The following SYT2 variants were observed in gnomAD, a reference collection of about 807,000 sequenced individuals.
SYT2 encodes synaptotagmin 2.
Under a neutral mutation model 39.9 loss-of-function variants are expected in SYT2, and 15 were observed. That is an observed-to-expected ratio of 0.38 (90% CI 0.25 to 0.58). The LOEUF (loss-of-function observed/expected upper bound fraction) is 0.58. Ranked by LOEUF, SYT2 falls within the 20% of genes least tolerant of loss-of-function variation. The pLI is 0.70. For synonymous variants in SYT2, 181 were observed against 204.5 expected, an observed-to-expected ratio of 0.89 and a Z score of 0.98; for missense variants, 389 against 530.3, an observed-to-expected ratio of 0.73 and a Z score of 2.62.
chr1:202,599,473 C>T lies in SYT2; in HGVS notation c.920-122G>A. ...GGGTCTTCACTCCGCTGAGACCAGG[C>T]CCTCAGAAAGCCCCAAGTCATGCCA... On this transcript the variant is annotated intron_variant, in intron 7 of 8. Transcript: ENST00000367268. The surrounding 1 kb of genome is among the most constrained non-coding windows in gnomAD (Gnocchi z 4.4). 8.5e-7 allele frequency: 1 copy of T among 1,172,904 alleles called. No homozygotes were observed. The highest frequency in any genetic ancestry group is 1.2e-6 in the Non-Finnish European group (1 of 856,156). 72.7% of individuals were successfully genotyped at this position (1,172,904 alleles called of 1,614,324 possible).
In SYT2 at chr1:202,605,801, A is replaced by T. The variant is rs200599864; in HGVS notation, c.-17-12T>A. The T allele has an allele frequency of 1.9e-6, 3 of 1,609,352 alleles. No individual in the cohort carries two copies. ...GGCAGAGGAAACAGCTGGGGACGAG[A>T]GGTGAAGAGGGCAGGGTGAGCATCC... On this transcript the variant is annotated splice_polypyrimidine_tract_variant and intron_variant, in intron 1 of 8. Coordinates refer to ENST00000367268, the MANE Select transcript of SYT2 (RefSeq NM_177402.5).
At chr1:202,699,082 G>A (rs1257741592) in intron 1 of SYT2, among the ~76,000 whole-genome samples, 1 of 149,100 alleles carries the variant, frequency 6.7e-6, no homozygotes, top group Non-Finnish European at 1.5e-5. Flanking sequence ...CAGTGCAGTG[G>A]TATGATCTTG....
intron 1 of SYT2, among the ~76,000 whole-genome samples, chr1:202,625,736 G>C (rs1691385824): frequency 2.0e-5 from 3 of 152,100 alleles, no homozygotes; most frequent in Admixed American, 1.3e-4. Context: ...TCACACCCTG[G>C]AAAGGAGGAG....
At chr1:202,635,292 C>A (rs1691710029) in intron 1 of SYT2, among the ~76,000 whole-genome samples, 1 of 152,176 alleles carries the variant, frequency 6.6e-6, no homozygotes, top group African/African-American at 2.4e-5. Context: ...TGGGGAAAGC[C>A]TCCATTCCCT....
At chr1:202,604,818 C>CTTTTTTTTTTTTTTTTT (rs59944538) in intron 2 of SYT2, among the ~76,000 whole-genome samples, 197 bp from the exon 3 acceptor site, 7 of 71,682 alleles carry the variant, frequency 9.8e-5, no homozygotes, top group African/African-American at 2.7e-4. Flanking sequence ...TCATGCCTTG[C>CTTTTTTTTTTTTTTTTT]TTTTTTTTTT....
At chr1:202,697,110 C>T (rs1653991930) in intron 1 of SYT2, among the ~76,000 whole-genome samples, 1 of 152,222 alleles carries the variant, frequency 6.6e-6, no homozygotes, top group South Asian at 2.1e-4. Context: ...TCACTGAGAG[C>T]ATTAGCTCCT....
At chr1:202,691,012 T>C (rs1376678629) in intron 1 of SYT2, among the ~76,000 whole-genome samples, 1 of 152,164 alleles carries the variant, frequency 6.6e-6, no homozygotes, top group Non-Finnish European at 1.5e-5. Flanking sequence ...TACTCACACA[T>C]GCACACAACA....
rs1046269 is a variant in SYT2 at position 202,590,625 on chromosome 1, G to T, written c.*6132C>A. 0.1 allele frequency: 15,185 copies of T among 150,186 alleles called. 962 individuals carry two copies. Among genetic ancestry groups the T allele is most frequent in the Middle Eastern group, 0.18 (53 of 294 alleles). The allele number at this position is 150,186 out of a possible 1,614,324, so 9.3% of individuals were successfully genotyped here. On this transcript the variant is annotated 3_prime_UTR_variant, in exon 9 of 9. Transcript: ENST00000367268. ...TTTCAGCTCATTTCTTTAATAAGGA[G>T]ACGCAGTTCATTACAAAATAACAAT...
At chr1:202,630,499 G>C (rs1042196566) in intron 1 of SYT2, 2 of 655,686 alleles carry the variant, frequency 3.1e-6, no homozygotes, top group African/African-American at 4.0e-5. Flanking sequence ...TTTAGGAGGA[G>C]ATGGGGTGGG....
chr1:202,642,232 C>A (rs1691935223), intron 1 of SYT2, among the ~76,000 whole-genome samples: 2 of 152,154 alleles, frequency 1.3e-5, no homozygotes, highest in South Asian at 4.1e-4. Context: ...GCGTTCACAG[C>A]TCCACTTTGA....
Position 202,618,541 on chromosome 1 carries a change from C to T in SYT2, c.-17-12752G>A, listed in dbSNP as rs75695543. Among the ~76,000 whole-genome samples, 404 of 152,260 alleles carry T rather than the reference C, an allele frequency of 2.7e-3. 4 individuals carry two copies. The highest frequency in any genetic ancestry group is 9.4e-3 in the African/African-American group (392 of 41,544). On this transcript the variant is annotated intron_variant, in intron 1 of 8. Transcript: ENST00000367268. ...AGGCCTGGGACCATAGAGAGTCAGA[C>T]GCACCCCCTTATGAGTCATTTCACC...
intron 1 of SYT2, among the ~76,000 whole-genome samples, chr1:202,624,618 A>G (rs111205731): frequency 0.15 from 17,672 of 117,044 alleles, 1,935 homozygotes; most frequent in African/African-American, 0.34. Context: ...GTGTGGTGTC[A>G]TAGAGTGTGT....
At chr1:202,597,994 C>T (rs187829555) in intron 8 of SYT2, among the ~76,000 whole-genome samples, 26 of 152,184 alleles carry the variant, frequency 1.7e-4, no homozygotes, top group African/African-American at 2.7e-4. Flanking sequence ...TACAGTCCTC[C>T]GCTTCATGGA....
At chr1:202,664,878 C>T (rs571560007) in intron 1 of SYT2, among the ~76,000 whole-genome samples, 1 of 152,292 alleles carries the variant, frequency 6.6e-6, no homozygotes, top group South Asian at 2.1e-4. Context: ...AGGGTCATCT[C>T]GAACTCCTGA....
chr1:202,624,800 AGCATG>A, intron 1 of SYT2, among the ~76,000 whole-genome samples: 3 of 88,904 alleles, frequency 3.4e-5, no homozygotes, highest in South Asian at 4.0e-4. Flanking sequence ...TATGGCATGT[AGCATG>A]GTGTGTGTGT....
At chr1:202,708,373 T>C (rs1654303974) in intron 1 of SYT2, among the ~76,000 whole-genome samples, 1 of 151,854 alleles carries the variant, frequency 6.6e-6, no homozygotes, top group South Asian at 2.1e-4. Context: ...CTAGAAACTT[T>C]CCTCTGCCTC....
intron 1 of SYT2, among the ~76,000 whole-genome samples, chr1:202,693,118 T>C (rs1416965522): frequency 1.3e-5 from 2 of 152,144 alleles, no homozygotes; most frequent in African/African-American, 4.8e-5. Context: ...GACCCTACTG[T>C]CTGTGAGCAG....
intron 1 of SYT2, among the ~76,000 whole-genome samples, chr1:202,611,726 GTTTC>G (rs1690888635): frequency 6.6e-6 from 1 of 152,164 alleles, no homozygotes; most frequent in Non-Finnish European, 1.5e-5. Context: ...CAATTTAGCT[GTTTC>G]TTTTGCTGCC....
chr1:202,596,848 T>A lies in SYT2; in HGVS notation c.1169A>T (p.Asp390Val). Residue 390 changes from aspartate to valine, a missense_variant, in exon 9 of 9, where the codon GAC becomes GTC. Around this residue, in one of 4 missense-constraint regions of SYT2, gnomAD observed 84 missense variants for 123.1 expected, o/e 0.68. Transcript: ENST00000367268. ...GGGCCTCCGGGGGTTGGCCAGCATGTCGGACCAGTGCCGCAGCTCTGTGCC... is the reference window on the plus strand; with the variant it reads ...GGGCCTCCGGGGGTTGGCCAGCATGACGGACCAGTGCCGCAGCTCTGTGCC... ...ATGTELRHWS[D>V]MLANPRRPIA... 1 of 1,614,188 alleles carries A rather than the reference T, an allele frequency of 6.2e-7. No individual in the cohort carries two copies. The highest frequency in any genetic ancestry group is 8.5e-7 in the Non-Finnish European group (1 of 1,180,022).
Sources: gnomAD v4.1 joint callset for allele counts (sites outside exome capture counted in the v4.1 genomes callset) on GRCh38, gnomAD v4.1.1 for gene constraint, gnomAD v4.1.1 regional missense constraint, Gnocchi (gnomAD v3.1) non-coding constraint, MANE v1.5 for transcripts, NCBI Gene and HGNC (gene_info 2026-07-23, HGNC 2026-07-21) for gene names.